Variants in ZNF438 observed in about 807,000 individuals in gnomAD.
ZNF438 encodes the protein zinc finger protein 438.
In ZNF438, 25 loss-of-function variants were observed where a neutral mutation model predicts 38.0. That is an observed-to-expected ratio of 0.66 (90% confidence interval 0.48 to 0.92). The LOEUF (loss-of-function observed/expected upper bound fraction) is 0.92. Among genes scored for constraint, ZNF438 ranks in the 40% least tolerant of loss-of-function variants. The probability of loss-of-function intolerance (pLI) is 0.00; values close to 1 mark genes in which losing one functional copy is unlikely to be tolerated. For synonymous variants in ZNF438, 372 were observed against 364.1 expected (o/e 1.02, Z -0.25); for missense variants, 1,007 against 999.6 (o/e 1.01, Z -0.10).
intron 1 of ZNF438, among the ~76,000 whole-genome samples, chr10:30,967,013 CAA>C (rs199954203): frequency 0.02 from 3,066 of 152,248 alleles, 53 homozygotes; most frequent in South Asian, 0.066. Context: ...TGACTGAGGA[CAA>C]AGAGATGTGC....
At chr10:30,903,436 A>G (rs1468430892) in intron 3 of ZNF438, among the ~76,000 whole-genome samples, 2 of 152,242 alleles carry the variant, frequency 1.3e-5, no homozygotes, top group African/African-American at 4.8e-5. Flanking sequence ...GCATTTTAAG[A>G]CTTTGGCTGG....
rs77731740 is a variant in ZNF438 at position 30,885,639 on chromosome 10, C to T, written c.-31-8574G>A. Reference sequence around the variant, plus strand: ...AAGGTGTGTGTCATTTCCATATATACACTCCTCATGCTCTCCTGAGTGCAG... The same window carrying T: ...AAGGTGTGTGTCATTTCCATATATATACTCCTCATGCTCTCCTGAGTGCAG... On this transcript the variant is annotated intron_variant, in intron 3 of 5. Coordinates refer to ENST00000413025, the Ensembl canonical transcript of ZNF438. 6.5e-3 allele frequency among the ~76,000 whole-genome samples: 989 copies of T among 152,248 alleles called. 11 individuals are homozygous for T. The highest frequency in any genetic ancestry group is 0.023 in the African/African-American group (945 of 41,518).
At chr10:30,928,787 G>A (rs1375198261) in intron 2 of ZNF438, among the ~76,000 whole-genome samples, 2 of 152,022 alleles carry the variant, frequency 1.3e-5, no homozygotes, top group African/African-American at 2.4e-5. Flanking sequence ...CCCTCATCTC[G>A]TGGAGTTGGG....
At chr10:30,860,681 G>A (rs924090572) in intron 4 of ZNF438, among the ~76,000 whole-genome samples, 1 of 152,102 alleles carries the variant, frequency 6.6e-6, no homozygotes, top group African/African-American at 2.4e-5. Flanking sequence ...GTAAATTTTT[G>A]TATCCCAGTT....
At chr10:30,875,209 G>A (rs2038223824) in intron 4 of ZNF438, 1 of 962,980 alleles carries the variant, frequency 1.0e-6, no homozygotes, top group South Asian at 4.8e-5. Context: ...GCCCAGAGAG[G>A]TAGGCATCAG....
At chr10:31,002,474 T>C (rs923200796) in intron 1 of ZNF438, among the ~76,000 whole-genome samples, 3 of 152,156 alleles carry the variant, frequency 2.0e-5, no homozygotes, top group Admixed American at 2.0e-4. Flanking sequence ...CCTTGGTGAG[T>C]TTTCCCTCTA....
chr10:30,988,726 G>A lies in ZNF438; in HGVS notation c.-192+43107C>T, dbSNP rs187243600. 1.6e-3 allele frequency among the ~76,000 whole-genome samples: 243 copies of A among 151,684 alleles called. 1 individual carries two copies. Among genetic ancestry groups the A allele is most frequent in the African/African-American group, 5.2e-3 (214 of 41,222 alleles). ...CTTAATAGGACTATTTTATAGGTTC[G>A]CCAATATGATGAAACCAATTTGTCA... is the stretch of plus-strand genomic sequence containing the variant. On this transcript the variant is annotated intron_variant, in intron 1 of 5. Coordinates refer to ENST00000413025, the Ensembl canonical transcript of ZNF438.
At chr10:31,003,126 G>C (rs1216131508) in intron 1 of ZNF438, among the ~76,000 whole-genome samples, 3 of 152,068 alleles carry the variant, frequency 2.0e-5, no homozygotes, top group Non-Finnish European at 4.4e-5. Flanking sequence ...CAATGAGAGA[G>C]CACACTATTG....
At chr10:30,915,142 T>C (rs2043471560) in intron 2 of ZNF438, among the ~76,000 whole-genome samples, 1 of 151,960 alleles carries the variant, frequency 6.6e-6, no homozygotes, top group Non-Finnish European at 1.5e-5. Context: ...TCAGACTCTT[T>C]AAAAATAAAA....
At chr10:30,914,538 G>C (rs2043400439) in intron 2 of ZNF438, among the ~76,000 whole-genome samples, 1 of 151,910 alleles carries the variant, frequency 6.6e-6, no homozygotes, top group Non-Finnish European at 1.5e-5. Context: ...GTTACCACTG[G>C]GGGGATTGTG....
chr10:30,986,902 C>T (rs1408841597), intron 1 of ZNF438, among the ~76,000 whole-genome samples: 10 of 152,110 alleles, frequency 6.6e-5, no homozygotes, highest in Admixed American at 5.9e-4. Context: ...TTTGTTTTTA[C>T]AGTGATAACA....
chr10:31,022,348 GC>G (rs1318197250), intron 1 of ZNF438, among the ~76,000 whole-genome samples: 2 of 151,696 alleles, frequency 1.3e-5, no homozygotes, highest in Non-Finnish European at 2.9e-5. Flanking sequence ...TGCAACCTCT[GC>G]CTCCGAGGTT....
At chr10:30,898,422 G>C (rs1279663294) in intron 3 of ZNF438, among the ~76,000 whole-genome samples, 1 of 152,088 alleles carries the variant, frequency 6.6e-6, no homozygotes, top group Non-Finnish European at 1.5e-5. Flanking sequence ...AAAAAAAGTT[G>C]TATTCTCACA....
At chr10:30,844,891 C>G in exon 6 of ZNF438, 1 of 1,541,626 alleles carries the variant, frequency 6.5e-7, no homozygotes. Flanking sequence ...TAAGCACCAC[C>G]ATAAAGCACG....
intron 1 of ZNF438, among the ~76,000 whole-genome samples, chr10:30,969,806 C>A (rs1234688562): frequency 2.0e-5 from 3 of 151,274 alleles, no homozygotes. Flanking sequence ...CAAAACCAAA[C>A]CAAAGCAAGG....
intron 1 of ZNF438, among the ~76,000 whole-genome samples, chr10:30,948,743 G>C (rs2047768225): frequency 6.6e-6 from 1 of 151,512 alleles, no homozygotes. Flanking sequence ...AGAAATATGG[G>C]ACTATGTGAA....
chr10:30,887,932 C>G (rs2040174713), intron 3 of ZNF438, among the ~76,000 whole-genome samples: 1 of 152,192 alleles, frequency 6.6e-6, no homozygotes, highest in South Asian at 2.1e-4. Context: ...ATACATCAGA[C>G]AGTAACTATT....
intron 1 of ZNF438, among the ~76,000 whole-genome samples, chr10:31,005,255 T>C (rs1188630676): frequency 6.6e-6 from 1 of 152,062 alleles, no homozygotes; most frequent in Non-Finnish European, 1.5e-5. Flanking sequence ...GAACTGTGAG[T>C]TATGTGTGTG....
intron 3 of ZNF438, among the ~76,000 whole-genome samples, chr10:30,894,685 C>A (rs184225372): frequency 1.2e-3 from 181 of 152,138 alleles, no homozygotes; most frequent in African/African-American, 4.2e-3. Context: ...AAAAAAGGAA[C>A]AATGGCAACA....
Sources: allele counts gnomAD v4.1 joint callset (sites outside exome capture counted in the v4.1 genomes callset), GRCh38; gene constraint gnomAD v4.1.1; transcripts MANE v1.5; gene names NCBI Gene and HGNC (gene_info 2026-07-23, HGNC 2026-07-21).